The following ZNF23 variants were observed in gnomAD, a reference collection of about 807,000 sequenced individuals.
ZNF23 encodes the protein kruppel-like zinc finger factor X31.
Under a neutral mutation model 56.2 loss-of-function variants are expected in ZNF23, and 48 were observed. That is an observed-to-expected ratio of 0.85 (90% CI 0.68 to 1.09). The LOEUF (loss-of-function observed/expected upper bound fraction) is 1.09. ZNF23 is among the 50% of genes least tolerant of loss of function. ZNF23 has a pLI of 0.00. For missense variants in ZNF23, 805 were observed against 811.4 expected, an observed-to-expected ratio of 0.99 and a Z score of 0.10; for synonymous variants, 266 against 283.3, an observed-to-expected ratio of 0.94 and a Z score of 0.61.
chr16:71,448,764 CAT>C lies in ZNF23; in HGVS notation c.1388_1389del (p.Tyr463Ter). 1 of 1,614,164 alleles carries C rather than the reference CAT, an allele frequency of 6.2e-7. No homozygotes were observed. The highest frequency in any genetic ancestry group is 8.5e-7 in the Non-Finnish European group (1 of 1,180,018). ...HQRIHTGEKP[Y>X]ECNECGKAFR... Reference sequence around the variant, plus strand: ...AAGGCTTTCCCGCATTCATTACACTCATAGGGTTTCTCGCCTGTGTGAATTCT... The same window carrying C: ...AAGGCTTTCCCGCATTCATTACACTCAGGGTTTCTCGCCTGTGTGAATTCT... On this transcript the variant is annotated frameshift_variant, in exon 5 of 5. Coordinates refer to ENST00000647773, the MANE Select transcript of ZNF23 (RefSeq NM_001381984.1). LOFTEE classifies it high-confidence loss of function.
In ZNF23 at chr16:71,449,707, A is replaced by G. The variant is rs113401132; in HGVS notation, c.447T>C (p.Ile149=). The part of the protein sequence containing the change: ...GNIKKEKSNT[I]DGTVKDETSP... ...TTGTCTCATCTTTCACTGTTCCATCAATGGTGTTGCTCTTCTCCTTCTTTA... is the reference window on the plus strand; with the variant it reads ...TTGTCTCATCTTTCACTGTTCCATCGATGGTGTTGCTCTTCTCCTTCTTTA... Residue 149 remains isoleucine (I), a synonymous_variant, in exon 5 of 5, where the codon ATT becomes ATC. Transcript: ENST00000647773. The G allele has an allele frequency of 1.7e-5, 27 of 1,613,944 alleles. No individual in the cohort carries two copies. The highest frequency in any genetic ancestry group is 3.3e-4 in the Middle Eastern group (2 of 6,062).
Position 71,448,966 on chromosome 16 carries a change from C to G in ZNF23, c.1188G>C (p.Gln396His), listed in dbSNP as rs372068217. ...KGFRCSSQLR[Q>H]HQSIHTGEKP... ...TTTCTCCTGTGTGGATGCTCTGATG[C>G]TGCCTAAGCTGGGAGCTGCACCTGA... Residue 396 changes from glutamine to histidine, a missense_variant, in exon 5 of 5, where the codon CAG becomes CAC. By Grantham distance (24) the Gln-to-His change is conservative. Coordinates refer to ENST00000647773, the MANE Select transcript of ZNF23 (RefSeq NM_001381984.1). 5 of 1,613,944 alleles carry G rather than the reference C, an allele frequency of 3.1e-6. No homozygotes were observed. The highest frequency in any genetic ancestry group is 4.2e-6 in the Non-Finnish European group (5 of 1,180,020).
In ZNF23 at chr16:71,453,314, A is replaced by G; in HGVS notation, c.197T>C (p.Leu66Pro). The G allele has an allele frequency of 6.2e-7, 1 of 1,605,746 alleles. No individual in the cohort carries two copies. Among genetic ancestry groups the G allele is most frequent in the Non-Finnish European group, 8.5e-7 (1 of 1,175,694 alleles). ...GCCCCCCAGCTCACTTCCTCCCTCCAGTTGTGAGATCACAGCAGGTTTGAG... is the reference window on the plus strand; with the variant it reads ...GCCCCCCAGCTCACTTCCTCCCTCCGGTTGTGAGATCACAGCAGGTTTGAG... Reference protein sequence around the residue: ...PLLKPAVISQLEGGSELGGSS... With the variant: ...PLLKPAVISQPEGGSELGGSS... Residue 66 changes from leucine (L) to proline (P), a missense_variant, in exon 4 of 5, where the codon CTG becomes CCG. Physicochemically the swap from Leu to Pro is moderately conservative, Grantham distance 98. Transcript: ENST00000647773.
chr16:71,447,962 G>A lies in ZNF23; in HGVS notation c.*131C>T. 1.5e-6 allele frequency: 1 copy of A among 649,680 alleles called. No homozygotes were observed. The highest frequency in any genetic ancestry group is 2.4e-6 in the Non-Finnish European group (1 of 408,474). 40.2% of individuals were successfully genotyped at this position (649,680 alleles called of 1,614,324 possible). A position where few individuals can be genotyped will look rare whatever the true frequency, so the allele number is the denominator to read the frequency against. ...ATCCTTTCCTGATTTAAACTGAATA[G>A]AATAAAAACTGTTTCCATATGAAGA... On this transcript the variant is annotated 3_prime_UTR_variant, in exon 5 of 5. Coordinates refer to ENST00000647773, the MANE Select transcript of ZNF23 (RefSeq NM_001381984.1).
At chr16:71,451,427 G>C (rs1468236847) in intron 4 of ZNF23, 3 of 152,144 alleles carry the variant, frequency 2.0e-5, no homozygotes, top group African/African-American at 7.2e-5. Flanking sequence ...TGTTGCTATA[G>C]ACTGAATGTT....
intron 2 of ZNF23, 46 bp downstream of exon 2, chr16:71,456,718 A>G (rs940254574): frequency 1.0e-6 from 1 of 986,008 alleles, no homozygotes. Context: ...AATGTTTTTC[A>G]ATCTGAAACT....
chr16:71,457,839 C>T (rs1023683858), intron 1 of ZNF23, among the ~76,000 whole-genome samples: 1 of 152,216 alleles, frequency 6.6e-6, no homozygotes, highest in African/African-American at 2.4e-5. Flanking sequence ...AGATCTTTGA[C>T]TTATTTCTCT....
Position 71,448,619 on chromosome 16 carries a change from A to G in ZNF23, c.1535T>C (p.Ile512Thr), listed in dbSNP as rs776205701. 8.7e-6 allele frequency: 14 copies of G among 1,614,126 alleles called. No homozygotes were observed. Among genetic ancestry groups the G allele is most frequent in the Non-Finnish European group, 1.2e-5 (14 of 1,180,022 alleles). Reference protein sequence around the residue: ...VNGKLMRHQRIHTGEKPFECN... With the variant: ...VNGKLMRHQRTHTGEKPFECN... ...TTCAAAAGGTTTCTCCCCAGTGTGA[A>G]TTCTCTGATGCCGCATTAGTTTCCC... The change falls in exon 5 of 5, where the codon ATT (isoleucine) becomes ACT (threonine). Residue 512 changes from isoleucine (I) to threonine (T), a missense_variant. Transcript: ENST00000647773.
At position 71,458,415 on chromosome 16, in the gene ZNF23, G is replaced by GT. The variant is rs1258578799; in HGVS notation, c.-32-1588dup. The stretch of plus-strand genomic sequence containing the variant: ...TCCATTTCCTCCATATCCAGAGCTA[G>GT]TTTGCTTTTCCCACTTCTTCTTTTG... On this transcript the variant is annotated intron_variant, in intron 1 of 4. Transcript: ENST00000647773. Among the ~76,000 whole-genome samples, 4 of 152,306 alleles carry GT rather than the reference G, an allele frequency of 2.6e-5. No individual in the cohort carries two copies. The East Asian group carries it at 7.7e-4, about 29-fold the overall frequency.
At chr16:71,449,909 A>C (rs776101958) in intron 4 of ZNF23, 24 bp from the exon 5 acceptor site, 2 of 1,533,030 alleles carry the variant, frequency 1.3e-6, no homozygotes, top group South Asian at 1.3e-5. Flanking sequence ...AAAACATAAA[A>C]TGTCATGTAA....
chr16:71,455,036 C>G (rs2043177870), intron 2 of ZNF23, among the ~76,000 whole-genome samples: 2 of 152,182 alleles, frequency 1.3e-5, no homozygotes, highest in South Asian at 4.1e-4. Flanking sequence ...TGGCAGGGAT[C>G]TGCTGCTCAA....
chr16:71,450,116 T>C (rs2043003368), intron 4 of ZNF23: 2 of 372,810 alleles, frequency 5.4e-6, no homozygotes, highest in South Asian at 1.7e-4. Context: ...TACAATCAAA[T>C]GGAAAAACAA....
At chr16:71,450,149 T>C (rs1323510499) in intron 4 of ZNF23, 2 of 289,518 alleles carry the variant, frequency 6.9e-6, no homozygotes, top group Non-Finnish European at 1.3e-5. Flanking sequence ...GTATATAGAA[T>C]AGATTTTCAG....
In ZNF23 at chr16:71,449,775, A is replaced by G. The variant is rs770359179; in HGVS notation, c.379T>C (p.Ser127Pro). 9 of 1,613,998 alleles carry G rather than the reference A, an allele frequency of 5.6e-6. No homozygotes were observed. In the East Asian group the frequency reaches 8.9e-5, roughly 16 times the overall value. ...ACTTCCTGTTGTTTCTCTAGAAGAG[A>G]GGCTTCTGAAAAGTCTGTTTCCTGG... is the stretch of plus-strand genomic sequence containing the variant. Reference protein sequence around the residue: ...FSQETDFSEASLLEKQQEVHS... With the variant: ...FSQETDFSEAPLLEKQQEVHS... The change falls in exon 5 of 5, where the codon TCT (serine) becomes CCT (proline). Residue 127 changes from serine (S) to proline (P), a missense_variant. Ser to Pro is a moderately conservative substitution (Grantham distance 74). Coordinates refer to ENST00000647773, the MANE Select transcript of ZNF23 (RefSeq NM_001381984.1).
intron 3 of ZNF23, 159 bp downstream of exon 3, chr16:71,453,883 T>C: frequency 1.2e-6 from 1 of 860,226 alleles, no homozygotes; most frequent in South Asian, 1.6e-5. Flanking sequence ...AGGCTTGGCA[T>C]TTGCCCCTGC....
chr16:71,457,945 G>A (rs924982231), intron 1 of ZNF23, among the ~76,000 whole-genome samples: 1 of 152,130 alleles, frequency 6.6e-6, no homozygotes, highest in Non-Finnish European at 1.5e-5. Context: ...TCAGACCCCA[G>A]GGAGGCAGCG....
chr16:71,449,095 A>ACACT lies in ZNF23; in HGVS notation c.1055_1058dup (p.Cys353Ter). ...CATTGAACGCTTTCCCACAGTCATT[A>ACACT]CACTCGTAAGGTTTCTCTCCAGTGT... On this transcript the variant is annotated stop_gained and frameshift_variant, in exon 5 of 5. Coordinates refer to ENST00000647773, the MANE Select transcript of ZNF23 (RefSeq NM_001381984.1). LOFTEE classifies it high-confidence loss of function. The ACACT allele has an allele frequency of 6.2e-7, 1 of 1,614,180 alleles. No individual in the cohort carries two copies. The highest frequency in any genetic ancestry group is 1.1e-5 in the South Asian group (1 of 91,084).
Position 71,449,123 on chromosome 16 carries a change from ACT to A in ZNF23, c.1029_1030del (p.Arg343SerfsTer11). ...CTCGTAAGGTTTCTCTCCAGTGTGG[ACT>A]CTCTGATGTGTAATATATGCAGAAC... On this transcript the variant is annotated frameshift_variant, in exon 5 of 5. Coordinates refer to ENST00000647773, the MANE Select transcript of ZNF23 (RefSeq NM_001381984.1). LOFTEE classifies it high-confidence loss of function. 9.3e-6 allele frequency: 15 copies of A among 1,613,994 alleles called. No homozygotes were observed. The highest frequency in any genetic ancestry group is 1.3e-5 in the Non-Finnish European group (15 of 1,179,996).
intron 1 of ZNF23, among the ~76,000 whole-genome samples, chr16:71,457,655 G>C (rs899833095): frequency 2.0e-5 from 3 of 152,034 alleles, no homozygotes; most frequent in African/African-American, 7.2e-5. Flanking sequence ...AGCCCGGGAG[G>C]TCAAGGCTGC....
Sources: allele counts gnomAD v4.1 joint callset (sites outside exome capture counted in the v4.1 genomes callset), GRCh38; gene constraint gnomAD v4.1.1; transcripts MANE v1.5; gene names NCBI Gene and HGNC (gene_info 2026-07-23, HGNC 2026-07-21).